Variants in USP34 observed in about 807,000 individuals in gnomAD.
USP34 encodes the protein ubiquitin carboxyl-terminal hydrolase 34.
A neutral mutation model predicts 460.3 loss-of-function variants in USP34; 70 were observed. That is an observed-to-expected ratio of 0.15 (90% CI 0.13 to 0.19). USP34 has a LOEUF of 0.19. Ranked by LOEUF, USP34 falls within the 10% of genes least tolerant of loss-of-function variation. The pLI, the probability that USP34 is intolerant of heterozygous loss-of-function variation, is 1.00. For synonymous variants in USP34, 1,647 were observed against 1,405.3 expected (o/e 1.17, Z -3.85); for missense variants, 3,985 against 4,236.2 (o/e 0.94, Z 1.65).
intron 10 of USP34, among the ~76,000 whole-genome samples, chr2:61,364,856 G>A (rs1025825396): frequency 3.9e-5 from 6 of 152,046 alleles, no homozygotes; most frequent in South Asian, 2.1e-4. Flanking sequence ...CTTGAGCTCC[G>A]GAGACGGAGG....
At chr2:61,236,274 A>G in intron 54 of USP34, 38 bp from the exon 55 acceptor site, 1 of 1,594,472 alleles carries the variant, frequency 6.3e-7, no homozygotes, top group Non-Finnish European at 8.5e-7. Flanking sequence ...TTCACACGTA[A>G]GATTTTTTTA....
intron 41 of USP34, among the ~76,000 whole-genome samples, chr2:61,268,544 G>C (rs1404210922): frequency 6.7e-6 from 1 of 149,948 alleles, no homozygotes; most frequent in Non-Finnish European, 1.5e-5. Flanking sequence ...TGAGTAAAAG[G>C]CTCCTGAGTC....
intron 2 of USP34, chr2:61,417,047 C>G: frequency 7.6e-7 from 1 of 1,320,642 alleles, no homozygotes; most frequent in South Asian, 1.2e-5. Context: ...TTCTGGCAGC[C>G]GGGGAACTTG....
intron 8 of USP34, among the ~76,000 whole-genome samples, chr2:61,372,512 T>G (rs894243294): frequency 2.4e-4 from 36 of 152,174 alleles, no homozygotes; most frequent in African/African-American, 8.7e-4. Flanking sequence ...AGGGGACTGC[T>G]TGAGCCTAGG....
At chr2:61,324,049 A>G (rs971863713) in intron 21 of USP34, among the ~76,000 whole-genome samples, 1 of 152,256 alleles carries the variant, frequency 6.6e-6, no homozygotes, top group African/African-American at 2.4e-5. Flanking sequence ...GACGACTCCT[A>G]GCAAGACAGC....
chr2:61,187,841 T>C lies in USP34; in HGVS notation c.*261A>G. ...ACCCTGTTCTTCCCAGACAGCCATA[T>C]TAAATGAAAGCCACTAAAGTGAACT... On this transcript the variant is annotated 3_prime_UTR_variant, in exon 80 of 80. Coordinates refer to ENST00000398571, the MANE Select transcript of USP34 (RefSeq NM_014709.4). The C allele has an allele frequency of 8.2e-7, 1 of 1,212,776 alleles. No homozygotes were observed. Among genetic ancestry groups the C allele is most frequent in the Non-Finnish European group, 1.1e-6 (1 of 943,686 alleles). 75.1% of individuals were successfully genotyped at this position (1,212,776 alleles called of 1,614,324 possible). A position where few individuals can be genotyped will look rare whatever the true frequency, so the allele number is the denominator to read the frequency against.
At position 61,451,107 on chromosome 2, in the gene USP34, G is replaced by C. The variant is rs146986322; in HGVS notation, c.43+19543C>G. ...ATGGTGGTAGGCGCCTATAATTCCAGCTACTCGGGACGCTGAGACAGGAGA... is the reference window on the plus strand; with the variant it reads ...ATGGTGGTAGGCGCCTATAATTCCACCTACTCGGGACGCTGAGACAGGAGA... On this transcript the variant is annotated intron_variant, in intron 1 of 79. Transcript: ENST00000398571. Among the ~76,000 whole-genome samples, 19 of 149,896 alleles carry C rather than the reference G, an allele frequency of 1.3e-4. No homozygotes were observed. In the East Asian group the frequency reaches 3.5e-3, roughly 28 times the overall value.
Position 61,226,950 on chromosome 2 carries a change from C to G in USP34, c.7595+117G>C, listed in dbSNP as rs1347175391. 2.6e-6 allele frequency: 3 copies of G among 1,164,982 alleles called. No homozygotes were observed. The African/African-American group carries it at 4.7e-5, about 18-fold the overall frequency. 72.2% of individuals were successfully genotyped at this position (1,164,982 alleles called of 1,614,324 possible). On this transcript the variant is annotated intron_variant, in intron 62 of 79. Coordinates refer to ENST00000398571, the MANE Select transcript of USP34 (RefSeq NM_014709.4). ...TTATATAATAAAAGCTAGTGAATAA[C>G]AATTACATAATTAAACATATATAAT...
intron 68 of USP34, 72 bp from the exon 69 acceptor site, chr2:61,212,001 C>G (rs1468521975): frequency 6.9e-7 from 1 of 1,452,464 alleles, no homozygotes; most frequent in African/African-American, 1.5e-5. Flanking sequence ...CTCATTTCTA[C>G]GTTCATTAAT....
At chr2:61,451,730 A>G (rs887912373) in intron 1 of USP34, among the ~76,000 whole-genome samples, 1 of 152,092 alleles carries the variant, frequency 6.6e-6, no homozygotes, top group Non-Finnish European at 1.5e-5. Context: ...TGGCATTTCA[A>G]ATCAATGGAA....
intron 5 of USP34, among the ~76,000 whole-genome samples, chr2:61,387,107 A>C (rs1249433470): frequency 6.6e-6 from 1 of 152,050 alleles, no homozygotes; most frequent in African/African-American, 2.4e-5. Flanking sequence ...GGTACTTCGC[A>C]AAAAAAATCC....
At chr2:61,364,127 G>A (rs181581335) in intron 10 of USP34, among the ~76,000 whole-genome samples, 77 of 152,294 alleles carry the variant, frequency 5.1e-4, no homozygotes, top group African/African-American at 1.8e-3. Context: ...TAAAATCCCC[G>A]CACTTTGGGA....
chr2:61,190,242 G>C (rs1475058319), intron 78 of USP34, 29 bp downstream of exon 78: 1 of 1,578,354 alleles, frequency 6.3e-7, no homozygotes, highest in Non-Finnish European at 8.6e-7. Context: ...GTTTAAAAGT[G>C]TGTGCCGCCG....
chr2:61,195,068 A>C (rs1686759028), intron 75 of USP34, among the ~76,000 whole-genome samples: 1 of 151,844 alleles, frequency 6.6e-6, no homozygotes, highest in South Asian at 2.1e-4. Context: ...AAAAATACAA[A>C]AATTGGCTGG....
chr2:61,212,001 C>T (rs1468521975), intron 68 of USP34, 72 bp from the exon 69 acceptor site: 27 of 1,452,464 alleles, frequency 1.9e-5, no homozygotes, highest in Middle Eastern at 2.2e-4. Flanking sequence ...CTCATTTCTA[C>T]GTTCATTAAT....
At chr2:61,398,462 GAGAAGCGGGGGAAGGAGGC>G (rs1693606362) in intron 3 of USP34, among the ~76,000 whole-genome samples, 1 of 114,620 alleles carries the variant, frequency 8.7e-6, no homozygotes, top group South Asian at 4.3e-4. Context: ...GGGAAGGACG[GAGAAGCGGGGGAAGGAGGC>G]GGAAGCGGGG....
intron 22 of USP34, 125 bp from the exon 23 acceptor site, chr2:61,317,892 T>G (rs1690799131): frequency 6.1e-6 from 4 of 654,690 alleles, no homozygotes; most frequent in Non-Finnish European, 9.8e-6. Flanking sequence ...TTTTTAGTGA[T>G]AATTTTAAAA....
chr2:61,348,419 G>A lies in USP34; in HGVS notation c.1736C>T (p.Pro579Leu). ...ATCACTATGCCCACTACTGCTACCA[G>A]GACCACTGCTTCCATCTTCACCACT... ...ANSGEDGSSG[P>L]GSSSGHSDGS... The change falls in exon 15 of 80, where the codon CCT (proline) becomes CTT (leucine). Residue 579 changes from proline (P) to leucine (L), a missense_variant. Pro to Leu is a moderately conservative substitution (Grantham distance 98). This residue lies in a region of USP34 where 716 missense variants were observed against 626.2 expected (regional missense o/e 1.14). Coordinates refer to ENST00000398571, the MANE Select transcript of USP34 (RefSeq NM_014709.4). 1 of 1,613,718 alleles carries A rather than the reference G, an allele frequency of 6.2e-7. No individual in the cohort carries two copies. The highest frequency in any genetic ancestry group is 8.5e-7 in the Non-Finnish European group (1 of 1,180,022).
chr2:61,409,401 C>A (rs1693975064), intron 2 of USP34, among the ~76,000 whole-genome samples: 1 of 152,022 alleles, frequency 6.6e-6, no homozygotes, highest in Non-Finnish European at 1.5e-5. Flanking sequence ...GCCAAAGATT[C>A]AGCCAAACTT....
Sources: gnomAD v4.1 joint callset for allele counts (sites outside exome capture counted in the v4.1 genomes callset) on GRCh38, gnomAD v4.1.1 for gene constraint, gnomAD v4.1.1 regional missense constraint, MANE v1.5 for transcripts, NCBI Gene and HGNC (gene_info 2026-07-23, HGNC 2026-07-21) for gene names.